The following GPC3 variants were observed in gnomAD, a reference collection of about 807,000 sequenced individuals.
GPC3 encodes glypican-3.
A neutral mutation model predicts 34.4 loss-of-function variants in GPC3; 3 were observed. That is an observed-to-expected ratio of 0.09 (90% CI 0.04 to 0.23). The LOEUF (loss-of-function observed/expected upper bound fraction) is 0.23, where lower values mean the gene tolerates loss of function less well. GPC3 is among the 10% of genes least tolerant of loss of function. The pLI is 1.00. For missense variants in GPC3, 351 were observed against 445.6 expected (o/e 0.79, Z 1.91); for synonymous variants, 177 against 174.0 (o/e 1.02, Z -0.13).
intron 7 of GPC3, among the ~76,000 whole-genome samples, chrX:133,556,410 T>C (rs1227162311): frequency 9.0e-6 from 1 of 111,492 alleles, no homozygotes; most frequent in East Asian, 2.8e-4. Context: ...TTCATACATG[T>C]GGAACTACCT....
chrX:133,901,990 G>A (rs1313634277), intron 2 of GPC3, among the ~76,000 whole-genome samples: 3 of 111,886 alleles, frequency 2.7e-5, no homozygotes, highest in African/African-American at 9.7e-5. Flanking sequence ...AACTGTGCCT[G>A]ACATAGAATA....
intron 7 of GPC3, among the ~76,000 whole-genome samples, chrX:133,566,966 G>A (rs768339957): frequency 2.7e-5 from 3 of 111,879 alleles, no homozygotes; most frequent in East Asian, 5.6e-4. Flanking sequence ...AATTTAAAAG[G>A]AATCTTTCCC....
chrX:133,636,698 T>C (rs115849465), intron 6 of GPC3, among the ~76,000 whole-genome samples: 5,603 of 111,004 alleles, frequency 0.05, 364 homozygotes, highest in African/African-American at 0.17. Context: ...AGCCACAGTA[T>C]CTTTCACACC....
At chrX:133,877,044 T>C (rs748484807) in intron 2 of GPC3, among the ~76,000 whole-genome samples, 1 of 111,766 alleles carries the variant, frequency 8.9e-6, no homozygotes, top group African/African-American at 3.2e-5. Flanking sequence ...GTAAACCAGA[T>C]TTGGTGACCA....
intron 7 of GPC3, among the ~76,000 whole-genome samples, chrX:133,538,444 C>G (rs189578589): frequency 1.7e-4 from 19 of 111,402 alleles, no homozygotes; most frequent in South Asian, 7.7e-4. Context: ...CTTTCAGATT[C>G]CTTTTCTGGA....
intron 5 of GPC3, among the ~76,000 whole-genome samples, chrX:133,690,849 G>T (rs755428371): frequency 8.9e-6 from 1 of 111,750 alleles, no homozygotes; most frequent in Admixed American, 9.5e-5. Flanking sequence ...ATTCAGACTC[G>T]ATTTTGGGTC....
chrX:133,622,967 A>G (rs1307721960), intron 6 of GPC3, among the ~76,000 whole-genome samples: 6 of 112,381 alleles, frequency 5.3e-5, no homozygotes, highest in Non-Finnish European at 3.8e-5. Flanking sequence ...TCTCTCGGCA[A>G]AAACTCTACA....
intron 2 of GPC3, among the ~76,000 whole-genome samples, chrX:133,764,362 A>G (rs1388047295): frequency 8.9e-6 from 1 of 111,788 alleles, no homozygotes; most frequent in Non-Finnish European, 1.9e-5. Context: ...CACACAATAT[A>G]TCTATATAAC....
intron 1 of GPC3, among the ~76,000 whole-genome samples, chrX:133,956,438 C>T (rs1354721052): frequency 9.0e-6 from 1 of 111,407 alleles, no homozygotes; most frequent in Non-Finnish European, 1.9e-5. Flanking sequence ...AAAGAGTCTC[C>T]TTGGGTAAGA....
At chrX:133,958,584 G>C (rs770826639) in intron 1 of GPC3, among the ~76,000 whole-genome samples, 7 of 106,471 alleles carry the variant, frequency 6.6e-5, no homozygotes, top group Non-Finnish European at 1.4e-4. Context: ...AAAGATCAAG[G>C]GGAGGCAGAT....
intron 6 of GPC3, among the ~76,000 whole-genome samples, chrX:133,599,246 C>T (rs955323112): frequency 4.5e-5 from 5 of 112,005 alleles, no homozygotes; most frequent in Admixed American, 1.9e-4. Context: ...TTTTATAACA[C>T]GGAATCTTTT....
chrX:133,587,257 T>G (rs756309213), intron 7 of GPC3, among the ~76,000 whole-genome samples: 2 of 112,420 alleles, frequency 1.8e-5, no homozygotes, highest in African/African-American at 6.5e-5. Context: ...ATGACAGGAT[T>G]GGCAACAGTT....
At chrX:133,756,700 A>G (rs906284611) in intron 2 of GPC3, among the ~76,000 whole-genome samples, 4 of 112,835 alleles carry the variant, frequency 3.5e-5, no homozygotes, top group Non-Finnish European at 7.5e-5. Context: ...TCTTCTGCAG[A>G]AAGAATAATC....
At chrX:133,830,140 G>C (rs11797814) in intron 2 of GPC3, among the ~76,000 whole-genome samples, 245 of 111,692 alleles carry the variant, frequency 2.2e-3, no homozygotes, top group Middle Eastern at 4.7e-3. Flanking sequence ...GAAAGCTCCA[G>C]TACTGTAAAG....
chrX:133,814,460 T>G (rs2075679715), intron 2 of GPC3, among the ~76,000 whole-genome samples: 1 of 111,564 alleles, frequency 9.0e-6, no homozygotes, highest in African/African-American at 3.3e-5. Context: ...GTAACCCTTG[T>G]AAGCCTTGTT....
At chrX:133,771,411 T>C (rs1006565098) in intron 2 of GPC3, among the ~76,000 whole-genome samples, 2 of 112,466 alleles carry the variant, frequency 1.8e-5, no homozygotes, top group African/African-American at 3.2e-5. Flanking sequence ...TCCTTAAACA[T>C]GCCTGAGGGC....
intron 2 of GPC3, among the ~76,000 whole-genome samples, chrX:133,892,405 T>C (rs1192644926): frequency 9.0e-6 from 1 of 110,561 alleles, no homozygotes; most frequent in Non-Finnish European, 1.9e-5. Flanking sequence ...TCCTAAGTGG[T>C]TCAAGGAAAA....
At chrX:133,838,236 G>A (rs891338183) in intron 2 of GPC3, among the ~76,000 whole-genome samples, 1 of 112,283 alleles carries the variant, frequency 8.9e-6, no homozygotes, top group African/African-American at 3.2e-5. Context: ...AAAATCACTT[G>A]TAATTTATTT....
At chrX:133,629,738 A>C (rs917239963) in intron 6 of GPC3, among the ~76,000 whole-genome samples, 7 of 109,372 alleles carry the variant, frequency 6.4e-5, no homozygotes, top group Non-Finnish European at 7.6e-5. Context: ...GGAAAGGGGA[A>C]ATTATTTTGG....
Sources: allele counts gnomAD v4.1 joint callset (sites outside exome capture counted in the v4.1 genomes callset), GRCh38; gene constraint gnomAD v4.1.1; transcripts MANE v1.5; gene names NCBI Gene and HGNC (gene_info 2026-07-23, HGNC 2026-07-21).